Variants in CYC1 observed in about 807,000 individuals in gnomAD.
CYC1 encodes cytochrome c1.
CYC1 carries 10 observed loss-of-function variants against 33.8 expected under a neutral mutation model. The observed-to-expected ratio is 0.30, with a 90% CI of 0.18 to 0.50. The LOEUF is 0.50. CYC1 is among the 20% of genes least tolerant of loss of function. The pLI is 0.98. For synonymous variants in CYC1, 224 were observed against 181.9 expected (o/e 1.23, Z -1.86); for missense variants, 459 against 437.6 (o/e 1.05, Z -0.44).
chr8:144,095,362 C>G, intron 1 of CYC1, 134 bp downstream of exon 1: 1 of 775,952 alleles, frequency 1.3e-6, no homozygotes, highest in Non-Finnish European at 1.7e-6. Context: ...TCCCAGCTGC[C>G]TGCCGACCTT....
Position 144,095,223 on chromosome 8 carries a change from C to G in CYC1, c.124C>G (p.Pro42Ala). 8.3e-7 allele frequency: 1 copy of G among 1,200,298 alleles called. No individual in the cohort carries two copies. Among genetic ancestry groups the G allele is most frequent in the African/African-American group, 1.6e-5 (1 of 63,302 alleles). 74.4% of individuals were successfully genotyped at this position (1,200,298 alleles called of 1,614,324 possible). ...ARPGQLPLRT[P>A]QAVALSSKSG... ...TCCCGGGCAGCTCCCGCTACGGACA[C>G]CTCAGGTGAGCGCTGGGCCGGGCCC... The change falls in exon 1 of 7, where the codon CCT becomes GCT. Residue 42 changes from proline to alanine, a missense_variant. Pro to Ala is a conservative substitution (Grantham distance 27). Coordinates refer to ENST00000318911, the MANE Select transcript of CYC1 (RefSeq NM_001916.5).
At position 144,095,419 on chromosome 8, in the gene CYC1, G is replaced by A. The variant is rs549721700; in HGVS notation, c.129+191G>A. 5.3e-3 allele frequency: 2,472 copies of A among 469,374 alleles called. 15 individuals are homozygous for A. The highest frequency in any genetic ancestry group is 0.025 in the South Asian group (424 of 17,090). 29.1% of individuals were successfully genotyped at this position (469,374 alleles called of 1,614,324 possible). On this transcript the variant is annotated intron_variant, in intron 1 of 6. Transcript: ENST00000318911. Reference sequence around the variant, plus strand: ...GGCGCCCACCTCTCCGAACGGCAGAGAGCCCGTCCCCAGCGTGGGGGTTGG... The same window carrying A: ...GGCGCCCACCTCTCCGAACGGCAGAAAGCCCGTCCCCAGCGTGGGGGTTGG...
At chr8:144,096,911 C>A in intron 5 of CYC1, 123 bp from the exon 6 acceptor site, 1 of 1,156,202 alleles carries the variant, frequency 8.6e-7, no homozygotes, top group Non-Finnish European at 1.3e-6. Flanking sequence ...TTGCGTATGT[C>A]CGGTGGAGGG....
rs201055856 is a variant in CYC1 at position 144,096,620 on chromosome 8, G to A, written c.648G>A (p.Thr216=). 22 of 1,613,942 alleles carry A rather than the reference G, an allele frequency of 1.4e-5. No individual in the cohort carries two copies. The highest frequency in any genetic ancestry group is 5.5e-5 in the South Asian group (5 of 91,072). The change falls in exon 5 of 7, where the codon ACG becomes ACA. Residue 216 remains threonine (T), a synonymous_variant. Transcript: ENST00000318911. ...AGGACTACGTCTTCTCCCTGCTCACGGGCTACTGCGAGCCACCCACCGGGG... is the reference window on the plus strand; with the variant it reads ...AGGACTACGTCTTCTCCCTGCTCACAGGCTACTGCGAGCCACCCACCGGGG... ...GGEDYVFSLL[T]GYCEPPTGVS...
At chr8:144,096,830 G>GAACAC in intron 5 of CYC1, 86 bp downstream of exon 5, 1 of 1,494,656 alleles carries the variant, frequency 6.7e-7, no homozygotes, top group Non-Finnish European at 9.1e-7. Context: ...CTGGGTCCAG[G>GAACAC]AGGTCCTGCC....
chr8:144,097,224 G>A lies in CYC1; in HGVS notation c.874-8G>A, dbSNP rs1185824915. ...CCACTCCCTTCTCTGAGCCTTCCTT[G>A]TCTGCAGATGTTGATGATGATGGCT... On this transcript the variant is annotated splice_region_variant and splice_polypyrimidine_tract_variant and intron_variant, in intron 6 of 6. Transcript: ENST00000318911. 6.2e-7 allele frequency: 1 copy of A among 1,613,954 alleles called. No homozygotes were observed. The highest frequency in any genetic ancestry group is 8.5e-7 in the Non-Finnish European group (1 of 1,179,860).
rs1564310376 is a variant in CYC1 at position 144,095,976 on chromosome 8, C to T, written c.273C>T (p.Pro91=). Residue 91 remains proline (P), a synonymous_variant, in exon 2 of 7, where the codon CCC becomes CCT. Coordinates refer to ENST00000318911, the MANE Select transcript of CYC1 (RefSeq NM_001916.5). ...GTGCCAGTGACCTGGAGCTGCACCC[C>T]CCCAGCTATCCGTGGTCTCACCGTG... ...AVSASDLELH[P]PSYPWSHRGL... The T allele has an allele frequency of 3.1e-6, 5 of 1,607,164 alleles. No individual in the cohort carries two copies.
chr8:144,095,197 G>GGCCCGGGCAGC lies in CYC1; in HGVS notation c.98_99insGCCCGGGCAGC (p.Leu39GlyfsTer25). 8.3e-7 allele frequency: 1 copy of GGCCCGGGCAGC among 1,205,290 alleles called. No individual in the cohort carries two copies. Among genetic ancestry groups the GGCCCGGGCAGC allele is most frequent in the Non-Finnish European group, 1.0e-6 (1 of 969,994 alleles). 74.7% of individuals were successfully genotyped at this position (1,205,290 alleles called of 1,614,324 possible). A position where few individuals can be genotyped will look rare whatever the true frequency, so the allele number is the denominator to read the frequency against. ...GCCCGGGGTCTGCTGTGCAGCGCGCGTCCCGGGCAGCTCCCGCTACGGACA... is the reference window on the plus strand; with the variant it reads ...GCCCGGGGTCTGCTGTGCAGCGCGCGGCCCGGGCAGCTCCCGGGCAGCTCCCGCTACGGACA... On this transcript the variant is annotated frameshift_variant, in exon 1 of 7. Transcript: ENST00000318911. LOFTEE classifies it high-confidence loss of function.
In CYC1 at chr8:144,095,907, G is replaced by T; in HGVS notation, c.204G>T (p.Ala68=). The T allele has an allele frequency of 6.2e-7, 1 of 1,609,318 alleles. No homozygotes were observed. The highest frequency in any genetic ancestry group is 8.5e-7 in the Non-Finnish European group (1 of 1,179,856). The change falls in exon 2 of 7, where the codon GCG becomes GCT. Residue 68 remains alanine (A), a synonymous_variant. Transcript: ENST00000318911. ...TGCTGTCAGCGCTGGGCATGCTGGC[G>T]GCAGGGGGTGCGGGGCTGGCCATGG... is the stretch of plus-strand genomic sequence containing the variant. ...KVMLSALGML[A]AGGAGLAMAL... is the part of the protein sequence containing the mutation.
At chr8:144,095,274 C>G in intron 1 of CYC1, 46 bp downstream of exon 1, 1 of 1,191,566 alleles carries the variant, frequency 8.4e-7, no homozygotes, top group African/African-American at 1.6e-5. Flanking sequence ...CCCGCATCTC[C>G]GTGAAGGTCA....
chr8:144,095,765 C>A, intron 1 of CYC1, 68 bp from the exon 2 acceptor site: 1 of 1,534,940 alleles, frequency 6.5e-7, no homozygotes, highest in Non-Finnish European at 8.8e-7. Context: ...GAGAGGTGGG[C>A]GCTGAGAGTC....
At position 144,096,411 on chromosome 8, in the gene CYC1, A is replaced by G; in HGVS notation, c.528A>G (p.Pro176=). Residue 176 remains proline, a synonymous_variant, in exon 4 of 7, where the codon CCA becomes CCG. Coordinates refer to ENST00000318911, the MANE Select transcript of CYC1 (RefSeq NM_001916.5). ...CAGGGAAGCTGTTCGACTATTTCCC[A>G]AAACCATACCCCAACAGTGAGGCTG... ...MRPGKLFDYF[P]KPYPNSEAAR... 6.2e-7 allele frequency: 1 copy of G among 1,614,066 alleles called. No homozygotes were observed. The highest frequency in any genetic ancestry group is 8.5e-7 in the Non-Finnish European group (1 of 1,180,000).
In CYC1 at chr8:144,096,645, G is replaced by A; in HGVS notation, c.673G>A (p.Val225Met). ...GGGCTACTGCGAGCCACCCACCGGG[G>A]TGTCACTGCGGGAAGGTCTCTACTT... is the stretch of plus-strand genomic sequence containing the variant. The part of the protein sequence containing the change: ...LTGYCEPPTG[V>M]SLREGLYFNP... The change falls in exon 5 of 7, where the codon GTG becomes ATG. Residue 225 changes from valine to methionine, a missense_variant. Val to Met is a conservative substitution (Grantham distance 21). Transcript: ENST00000318911. 1 of 1,614,040 alleles carries A rather than the reference G, an allele frequency of 6.2e-7. No individual in the cohort carries two copies.
chr8:144,097,506 AAATT>A lies in CYC1; in HGVS notation c.*175_*178del, dbSNP rs1836190052. On this transcript the variant is annotated 3_prime_UTR_variant, in exon 7 of 7. Coordinates refer to ENST00000318911, the MANE Select transcript of CYC1 (RefSeq NM_001916.5). ...CTCCTTCAGCCCCCATCATGGGAAT[AAATT>A]AATTTTCTCAATGTACATATTTGAG... The A allele has an allele frequency of 1.7e-6, 1 of 601,702 alleles. No individual in the cohort carries two copies. Among genetic ancestry groups the A allele is most frequent in the South Asian group, 2.0e-5 (1 of 50,442 alleles). The allele number at this position is 601,702 out of a possible 1,614,324, so 37.3% of individuals were successfully genotyped here.
chr8:144,096,271 T>C (rs1228517867), intron 3 of CYC1, 21 bp downstream of exon 3: 3 of 1,613,020 alleles, frequency 1.9e-6, no homozygotes, highest in South Asian at 2.2e-5. Flanking sequence ...TGGGGATGCC[T>C]GGGACCCAGG....
intron 5 of CYC1, 53 bp downstream of exon 5, chr8:144,096,797 C>A: frequency 7.3e-7 from 1 of 1,379,246 alleles, no homozygotes; most frequent in South Asian, 1.3e-5. Flanking sequence ...TCCACTACCC[C>A]CAGGGATGCT....
intron 5 of CYC1, 82 bp downstream of exon 5, chr8:144,096,826 C>A: frequency 4.0e-6 from 6 of 1,491,026 alleles, no homozygotes; most frequent in South Asian, 3.5e-5. Context: ...GTTCCTGGGT[C>A]CAGGAGGTCC....
At chr8:144,095,808 C>A (rs1250897846) in intron 1 of CYC1, 25 bp from the exon 2 acceptor site, 7 of 1,599,528 alleles carry the variant, frequency 4.4e-6, no homozygotes, top group Non-Finnish European at 5.9e-6. Flanking sequence ...GGTGTCCTGG[C>A]AGGCGCTGAG....
intron 1 of CYC1, 112 bp downstream of exon 1, chr8:144,095,340 C>T: frequency 1.0e-6 from 1 of 960,936 alleles, no homozygotes; most frequent in Admixed American, 4.6e-5. Flanking sequence ...ACCGGCCACC[C>T]AGCGTCCCCG....
Sources: allele counts gnomAD v4.1 joint callset, GRCh38; gene constraint gnomAD v4.1.1; transcripts MANE v1.5; gene names NCBI Gene and HGNC (gene_info 2026-07-23, HGNC 2026-07-21).